NLRP3: variants seen among roughly 807,000 people sequenced by gnomAD.
The protein encoded by NLRP3 is NLR family pyrin domain containing 3.
Under a neutral mutation model 91.3 loss-of-function variants are expected in NLRP3, and 48 were observed. That is an observed-to-expected ratio of 0.53 (90% CI 0.42 to 0.67). The LOEUF is 0.67. Among genes scored for constraint, NLRP3 ranks in the 30% least tolerant of loss-of-function variants. The pLI is 0.00. For missense variants in NLRP3, 982 were observed against 1,276.9 expected, an observed-to-expected ratio of 0.77 and a Z score of 3.52; for synonymous variants, 561 against 507.9, an observed-to-expected ratio of 1.10 and a Z score of -1.41.
At chr1:247,433,752 CGG>C (rs1221638734) in intron 5 of NLRP3, among the ~76,000 whole-genome samples, 33 of 132,916 alleles carry the variant, frequency 2.5e-4, no homozygotes, top group African/African-American at 3.4e-4. Context: ...TTCTCTATTC[CGG>C]AGCTCTCTGG....
At chr1:247,437,503 C>T (rs1485560254) in intron 7 of NLRP3, among the ~76,000 whole-genome samples, 3 of 152,188 alleles carry the variant, frequency 2.0e-5, no homozygotes, top group Non-Finnish European at 2.9e-5. Flanking sequence ...TTCATTTCCT[C>T]GCCTTAGGGT....
At chr1:247,427,042 A>G (rs892992243) in intron 4 of NLRP3, among the ~76,000 whole-genome samples, 2 of 152,218 alleles carry the variant, frequency 1.3e-5, no homozygotes, top group African/African-American at 4.8e-5. Context: ...TATAAGCAAA[A>G]GGAAGGTTCA....
At chr1:247,441,199 C>T (rs1483695492) in intron 7 of NLRP3, among the ~76,000 whole-genome samples, 6 of 107,174 alleles carry the variant, frequency 5.6e-5, no homozygotes, top group African/African-American at 1.7e-4. Flanking sequence ...CCCCTCCCCC[C>T]CCCCTTTCCC....
chr1:247,425,415 T>C lies in NLRP3; in HGVS notation c.1966T>C (p.Ser656Pro). Residue 656 changes from serine to proline, a missense_variant, in exon 4 of 10, where the codon TCC becomes CCC. Physicochemically the swap from Ser to Pro is moderately conservative, Grantham distance 74. Coordinates refer to ENST00000336119, the MANE Select transcript of NLRP3 (RefSeq NM_001243133.2). The surrounding 1 kb of genome is among the most constrained non-coding windows in gnomAD (Gnocchi z 4.1). ...DYFPKIEINL[S>P]TRMDHMVSSF... ...TTTCCCCAAGATTGAGATCAATCTC[T>C]CCACCAGAATGGACCACATGGTTTC... 1 of 1,614,188 alleles carries C rather than the reference T, an allele frequency of 6.2e-7. No homozygotes were observed.
chr1:247,441,636 T>C (rs1382284751), intron 7 of NLRP3, among the ~76,000 whole-genome samples: 3 of 149,798 alleles, frequency 2.0e-5, no homozygotes, highest in Non-Finnish European at 3.0e-5. Context: ...GCTTGGTAAA[T>C]GTAGAGCTCA....
rs1236784872 is a variant in NLRP3 at position 247,423,947 on chromosome 1, C to T, written c.498C>T (p.Tyr166=). 1.2e-6 allele frequency: 2 copies of T among 1,613,890 alleles called. No individual in the cohort carries two copies. The highest frequency in any genetic ancestry group is 1.7e-6 in the Non-Finnish European group (2 of 1,180,002). The part of the protein sequence containing the change: ...LGESVSLNKR[Y]TRLRLIKEHR... The stretch of plus-strand genomic sequence containing the variant: ...AGAGTGTGAGCCTCAACAAACGCTA[C>T]ACACGACTGCGTCTCATCAAGGAGC... Residue 166 remains tyrosine (Y), a synonymous_variant, in exon 4 of 10, where the codon TAC becomes TAT. Coordinates refer to ENST00000336119, the MANE Select transcript of NLRP3 (RefSeq NM_001243133.2).
chr1:247,433,371 C>T (rs185079449), intron 5 of NLRP3, among the ~76,000 whole-genome samples: 1 of 152,138 alleles, frequency 6.6e-6, no homozygotes, highest in Admixed American at 6.5e-5. Flanking sequence ...ACTGCGGGCA[C>T]GTCAATGGTT....
chr1:247,439,889 C>G (rs978342706), intron 7 of NLRP3, among the ~76,000 whole-genome samples: 5 of 152,160 alleles, frequency 3.3e-5, no homozygotes, highest in Admixed American at 6.5e-5. Context: ...TTACAAACAA[C>G]TCTGCAAAAA....
chr1:247,425,363 G>T lies in NLRP3; in HGVS notation c.1914G>T (p.Glu638Asp). 6.2e-7 allele frequency: 1 copy of T among 1,614,182 alleles called. No homozygotes were observed. Among genetic ancestry groups the T allele is most frequent in the Non-Finnish European group, 8.5e-7 (1 of 1,180,042 alleles). ...ACTGTTTGTACGAGATGCAGGAGGA[G>T]GACTTCGTGCAAAGGGCCATGGACT... is the stretch of plus-strand genomic sequence containing the variant. ...LFYCLYEMQE[E>D]DFVQRAMDYF... Residue 638 changes from glutamate to aspartate, a missense_variant, in exon 4 of 10, where the codon GAG becomes GAT. Coordinates refer to ENST00000336119, the MANE Select transcript of NLRP3 (RefSeq NM_001243133.2). This position sits in a 1 kb window ranked among gnomAD's most constrained non-coding sequence, Gnocchi z 4.1.
In NLRP3 at chr1:247,416,176, C is replaced by T. The variant is rs1409590374; in HGVS notation, c.-766C>T. ...TCATTGCATTTCCTCTCTAGCTGTT[C>T]CTGAGGCTGGCATCTGGGTAAGTCC... On this transcript the variant is annotated 5_prime_UTR_variant, in exon 1 of 10. Transcript: ENST00000336119. 2 of 152,414 alleles carry T rather than the reference C, an allele frequency of 1.3e-5. No homozygotes were observed. The highest frequency in any genetic ancestry group is 3.7e-4 in the East Asian group (2 of 5,344). The allele number at this position is 152,414 out of a possible 1,614,324, so 9.4% of individuals were successfully genotyped here.
In NLRP3 at chr1:247,424,475, C is replaced by T; in HGVS notation, c.1026C>T (p.Ala342=). 6.2e-7 allele frequency: 1 copy of T among 1,614,206 alleles called. No individual in the cohort carries two copies. The highest frequency in any genetic ancestry group is 8.5e-7 in the Non-Finnish European group (1 of 1,180,044). Residue 342 remains alanine, a synonymous_variant, in exon 4 of 10, where the codon GCC becomes GCT. Coordinates refer to ENST00000336119, the MANE Select transcript of NLRP3 (RefSeq NM_001243133.2). The surrounding 1 kb of genome is among the most constrained non-coding windows in gnomAD (Gnocchi z 8.1). The part of the protein sequence containing the change: ...SLIRKKLLPE[A]SLLITTRPVA... ...TCAGAAAGAAGCTGCTTCCCGAGGCCTCTCTGCTCATCACCACGAGACCTG... is the reference window on the plus strand; with the variant it reads ...TCAGAAAGAAGCTGCTTCCCGAGGCTTCTCTGCTCATCACCACGAGACCTG...
chr1:247,430,970 C>T (rs371440950), intron 5 of NLRP3, among the ~76,000 whole-genome samples: 4 of 151,732 alleles, frequency 2.6e-5, no homozygotes, highest in South Asian at 4.2e-4. Context: ...GGTCTCATCA[C>T]GTTGCCCAGC....
rs1289792646 is a variant in NLRP3 at position 247,425,296 on chromosome 1, C to G, written c.1847C>G (p.Ala616Gly). The G allele has an allele frequency of 6.2e-7, 1 of 1,614,180 alleles. No homozygotes were observed. Among genetic ancestry groups the G allele is most frequent in the Admixed American group, 1.7e-5 (1 of 60,022 alleles). Residue 616 changes from alanine (A) to glycine (G), a missense_variant, in exon 4 of 10, where the codon GCT becomes GGT. Coordinates refer to ENST00000336119, the MANE Select transcript of NLRP3 (RefSeq NM_001243133.2). The surrounding 1 kb of genome is among the most constrained non-coding windows in gnomAD (Gnocchi z 4.1). Reference sequence around the variant, plus strand: ...AAATGGATTGAAGTGAAAGCCAAAGCTAAAAAGCTGCAGATCCAGCCCAGC... The same window carrying G: ...AAATGGATTGAAGTGAAAGCCAAAGGTAAAAAGCTGCAGATCCAGCCCAGC... ...LLKWIEVKAK[A>G]KKLQIQPSQL...
intron 5 of NLRP3, among the ~76,000 whole-genome samples, chr1:247,433,564 A>G (rs546870928): frequency 6.6e-6 from 1 of 152,114 alleles, no homozygotes; most frequent in Non-Finnish European, 1.5e-5. Context: ...TGACCTCCCA[A>G]TGTGCCTTGT....
chr1:247,423,355 C>G lies in NLRP3; in HGVS notation c.397+6C>G. On this transcript the variant is annotated splice_donor_region_variant and intron_variant, in intron 3 of 9. Transcript: ENST00000336119. ...TATTTGTAAAATGAAGAAAGGTAAG[C>G]GACTGGGGTGGTGCTTCTAGTTGAG... is the stretch of plus-strand genomic sequence containing the variant. The G allele has an allele frequency of 6.2e-7, 1 of 1,613,574 alleles. No individual in the cohort carries two copies. Among genetic ancestry groups the G allele is most frequent in the South Asian group, 1.1e-5 (1 of 91,034 alleles).
intron 5 of NLRP3, among the ~76,000 whole-genome samples, chr1:247,430,789 T>C (rs1663259872): frequency 6.6e-6 from 1 of 151,862 alleles, no homozygotes; most frequent in Non-Finnish European, 1.5e-5. Flanking sequence ...TTTTTTTTCT[T>C]TGAGACAGGA....
At chr1:247,420,755 T>C (rs11375536) in intron 2 of NLRP3, among the ~76,000 whole-genome samples, 3 of 152,156 alleles carry the variant, frequency 2.0e-5, no homozygotes, top group African/African-American at 7.2e-5. Flanking sequence ...CTTGGTTTTT[T>C]CTCTTTTCCC....
chr1:247,423,859 A>T lies in NLRP3; in HGVS notation c.410A>T (p.Lys137Met). Residue 137 changes from lysine to methionine, a missense_variant, in exon 4 of 10, where the codon AAG (lysine) becomes ATG (methionine). Lys to Met is a moderately conservative substitution (Grantham distance 95, BLOSUM62 -1). Coordinates refer to ENST00000336119, the MANE Select transcript of NLRP3 (RefSeq NM_001243133.2). The part of the protein sequence containing the change: ...ICKMKKDYRK[K>M]YRKYVRSRFQ... ...GTCTTTGCCGTAGATTACCGTAAGA[A>T]GTACAGAAAGTACGTGAGAAGCAGA... 1 of 1,614,024 alleles carries T rather than the reference A, an allele frequency of 6.2e-7. No individual in the cohort carries two copies.
At chr1:247,438,783 T>A (rs1219033924) in intron 7 of NLRP3, among the ~76,000 whole-genome samples, 1 of 152,248 alleles carries the variant, frequency 6.6e-6, no homozygotes, top group East Asian at 1.9e-4. Flanking sequence ...CAAACCCAGA[T>A]ATCATTCACA....
Sources: gnomAD v4.1 joint callset for allele counts (sites outside exome capture counted in the v4.1 genomes callset) on GRCh38, gnomAD v4.1.1 for gene constraint, Gnocchi (gnomAD v3.1) non-coding constraint, MANE v1.5 for transcripts, NCBI Gene and HGNC (gene_info 2026-07-23, HGNC 2026-07-21) for gene names.